Variants in ZNF480 observed in about 807,000 individuals in gnomAD.
The protein encoded by ZNF480 is zinc finger protein 480.
A neutral mutation model predicts 14.4 loss-of-function variants in ZNF480; 15 were observed. That is an observed-to-expected ratio of 1.04 (90% CI 0.70 to 1.60). The LOEUF is 1.60. Among genes scored for constraint, ZNF480 ranks in the 40% most tolerant of loss-of-function variants. The pLI, the probability that ZNF480 is intolerant of heterozygous loss-of-function variation, is 0.00. For missense variants in ZNF480, 593 were observed against 629.7 expected (o/e 0.94, Z 0.62); for synonymous variants, 218 against 215.5 (o/e 1.01, Z -0.10).
chr19:52,311,525 C>T (rs1600217226), intron 2 of ZNF480, among the ~76,000 whole-genome samples: 2 of 152,200 alleles, frequency 1.3e-5, no homozygotes, highest in Admixed American at 1.3e-4. Context: ...TGGAGTTCAA[C>T]TTTCTGTGTT....
intron 2 of ZNF480, among the ~76,000 whole-genome samples, chr19:52,312,060 C>T (rs968311658): frequency 5.9e-5 from 9 of 151,830 alleles, no homozygotes; most frequent in Non-Finnish European, 1.5e-5. Context: ...AAATATTTTC[C>T]ATGACCTCGG....
In ZNF480 at chr19:52,308,307, CTTTT is replaced by C. The variant is rs146136889; in HGVS notation, c.73-5832_73-5829del. On this transcript the variant is annotated intron_variant, in intron 2 of 4. Transcript: ENST00000595962. ...ACGTTTTCTGCTTGATTTTTTTCTT[CTTTT>C]TTTTTTTTTTTTTGAGACCGAGTCT... Among the ~76,000 whole-genome samples, 10 of 128,170 alleles carry C rather than the reference CTTTT, an allele frequency of 7.8e-5. No homozygotes were observed. In the South Asian group the frequency reaches 1.7e-3, roughly 22 times the overall value. The allele number at this position is 128,170 out of a possible 152,430, so 84.1% of individuals were successfully genotyped here.
chr19:52,310,920 G>A (rs540722637), intron 2 of ZNF480, among the ~76,000 whole-genome samples: 1 of 150,242 alleles, frequency 6.7e-6, no homozygotes, highest in South Asian at 2.1e-4. Context: ...CAGGAGAATG[G>A]CGTGAACCCG....
chr19:52,300,526 T>C, intron 2 of ZNF480, 42 bp downstream of exon 2: 1 of 1,605,974 alleles, frequency 6.2e-7, no homozygotes, highest in Non-Finnish European at 8.5e-7. Context: ...CTCCTTTCTT[T>C]CAGAAACGCT....
intron 2 of ZNF480, among the ~76,000 whole-genome samples, chr19:52,304,039 G>A (rs532418652): frequency 5.3e-5 from 8 of 152,250 alleles, no homozygotes; most frequent in African/African-American, 1.4e-4. Context: ...AAAGAATATC[G>A]TCCATATAAT....
At chr19:52,299,144 G>T (rs912692547) in intron 1 of ZNF480, among the ~76,000 whole-genome samples, 1 of 152,178 alleles carries the variant, frequency 6.6e-6, no homozygotes, top group Admixed American at 6.5e-5. Flanking sequence ...AGTCATTCAG[G>T]TGTGGGTCAC....
In ZNF480 at chr19:52,325,710, A is replaced by T. The variant is rs574546164; in HGVS notation, c.*2852A>T. On this transcript the variant is annotated 3_prime_UTR_variant, in exon 5 of 5. Coordinates refer to ENST00000595962, the MANE Select transcript of ZNF480 (RefSeq NM_144684.4). ...ATGTTCTCACTTATAAGTGGGAGCT[A>T]AACATTGATTACACATGGACTCAAA... 2.0e-5 allele frequency: 3 copies of T among 152,356 alleles called. No individual in the cohort carries two copies. The South Asian group carries it at 6.2e-4, about 32-fold the overall frequency. 9.4% of individuals were successfully genotyped at this position (152,356 alleles called of 1,614,324 possible).
At chr19:52,309,186 A>G (rs1366307777) in intron 2 of ZNF480, among the ~76,000 whole-genome samples, 1 of 152,200 alleles carries the variant, frequency 6.6e-6, no homozygotes, top group Non-Finnish European at 1.5e-5. Flanking sequence ...CGTTCTCTGA[A>G]TTAACAATCA....
chr19:52,302,762 G>A (rs1600213095), intron 2 of ZNF480, among the ~76,000 whole-genome samples: 1 of 152,228 alleles, frequency 6.6e-6, no homozygotes, highest in East Asian at 1.9e-4. Context: ...GCACCAATTG[G>A]CAAGTTGCGC....
intron 2 of ZNF480, chr19:52,301,552 A>G (rs1021850972): frequency 6.6e-6 from 1 of 152,140 alleles, no homozygotes; most frequent in Admixed American, 6.6e-5. Flanking sequence ...TCCTAGCCGC[A>G]TTACAGTTTA....
At chr19:52,319,411 C>T (rs556323609) in intron 4 of ZNF480, among the ~76,000 whole-genome samples, 14 of 152,302 alleles carry the variant, frequency 9.2e-5, no homozygotes, top group Admixed American at 5.9e-4. Context: ...CATCTCACTG[C>T]CTTCTGGCAG....
At position 52,325,404 on chromosome 19, in the gene ZNF480, A is replaced by G. The variant is rs1984051816; in HGVS notation, c.*2546A>G. The stretch of plus-strand genomic sequence containing the variant: ...CATAAAAGAACATAGCATTCAACCC[A>G]GCATCCCATTACTGGGTGTATACCT... On this transcript the variant is annotated 3_prime_UTR_variant, in exon 5 of 5. Transcript: ENST00000595962. 1 of 152,222 alleles carries G rather than the reference A, an allele frequency of 6.6e-6. No individual in the cohort carries two copies. The highest frequency in any genetic ancestry group is 1.5e-5 in the Non-Finnish European group (1 of 68,050). 9.4% of individuals were successfully genotyped at this position (152,222 alleles called of 1,614,324 possible).
At chr19:52,307,899 C>T (rs978563472) in intron 2 of ZNF480, among the ~76,000 whole-genome samples, 4 of 152,136 alleles carry the variant, frequency 2.6e-5, no homozygotes, top group African/African-American at 7.2e-5. Context: ...TAGCAGTGTG[C>T]GTCATAGCCA....
chr19:52,318,084 A>T (rs1337229453), intron 4 of ZNF480, among the ~76,000 whole-genome samples: 1 of 147,782 alleles, frequency 6.8e-6, no homozygotes, highest in Non-Finnish European at 1.5e-5. Context: ...TTATTTATAT[A>T]TTTTTATTTT....
At chr19:52,320,412 G>A (rs1983757100) in intron 4 of ZNF480, among the ~76,000 whole-genome samples, 1 of 152,112 alleles carries the variant, frequency 6.6e-6, no homozygotes, top group Admixed American at 6.5e-5. Flanking sequence ...CAACACTTTG[G>A]GAGGCCAAGG....
At chr19:52,313,816 T>C (rs1249221492) in intron 2 of ZNF480, 2 of 441,972 alleles carry the variant, frequency 4.5e-6, no homozygotes, top group East Asian at 1.4e-4. Flanking sequence ...CCATCTCTAC[T>C]GAAAATACAA....
intron 2 of ZNF480, 83 bp from the exon 3 acceptor site, chr19:52,314,070 A>T: frequency 7.1e-7 from 1 of 1,405,292 alleles, no homozygotes; most frequent in Non-Finnish European, 9.6e-7. Context: ...CAATCCAGTT[A>T]ATCTTTACAA....
At chr19:52,302,474 A>C (rs572480872) in intron 2 of ZNF480, among the ~76,000 whole-genome samples, 1 of 152,320 alleles carries the variant, frequency 6.6e-6, no homozygotes, top group East Asian at 1.9e-4. Context: ...ATATAGAGAA[A>C]AATGTAGCTA....
chr19:52,311,931 A>C (rs1339131789), intron 2 of ZNF480, among the ~76,000 whole-genome samples: 1 of 152,192 alleles, frequency 6.6e-6, no homozygotes, highest in Non-Finnish European at 1.5e-5. Flanking sequence ...CTAAGTGTAC[A>C]TATATATAAG....
Sources: allele counts gnomAD v4.1 joint callset (sites outside exome capture counted in the v4.1 genomes callset), GRCh38; gene constraint gnomAD v4.1.1; transcripts MANE v1.5; gene names NCBI Gene and HGNC (gene_info 2026-07-23, HGNC 2026-07-21).